Variants in DUSP4 observed in about 807,000 individuals in gnomAD.
The protein encoded by DUSP4 is dual specificity phosphatase 4, also known as dual specificity protein phosphatase 4.
A neutral mutation model predicts 27.2 loss-of-function variants in DUSP4; 12 were observed. That is an observed-to-expected ratio of 0.44 (90% confidence interval 0.28 to 0.71). The LOEUF is 0.71. DUSP4 is among the 30% of genes least tolerant of loss of function. The probability of loss-of-function intolerance (pLI) is 0.14; values close to 1 mark genes in which losing one functional copy is unlikely to be tolerated. For missense variants in DUSP4, 448 were observed against 551.3 expected, an observed-to-expected ratio of 0.81 and a Z score of 1.88; for synonymous variants, 257 against 245.2, an observed-to-expected ratio of 1.05 and a Z score of -0.45.
intron 1 of DUSP4, chr8:29,348,486 A>G (rs1375502909): frequency 2.0e-6 from 2 of 985,486 alleles, no homozygotes; most frequent in Non-Finnish European, 2.4e-6. Flanking sequence ...AAAGAAAGAA[A>G]AATCAGCAAA....
chr8:29,340,309 G>C lies in DUSP4; in HGVS notation c.434-66C>G, dbSNP rs559147563. On this transcript the variant is annotated intron_variant, in intron 1 of 3. Coordinates refer to ENST00000240100, the MANE Select transcript of DUSP4 (RefSeq NM_001394.7). The stretch of plus-strand genomic sequence containing the variant: ...GCCAGCAGGAAGTCAGAAAGAACTC[G>C]ACTCCTACAGACTCAGGCGGACTGC... The C allele has an allele frequency of 2.1e-5, 32 of 1,517,940 alleles. No individual in the cohort carries two copies. In the East Asian group the frequency reaches 7.3e-4, roughly 35 times the overall value. 94.0% of individuals were successfully genotyped at this position (1,517,940 alleles called of 1,614,324 possible).
intron 1 of DUSP4, among the ~76,000 whole-genome samples, chr8:29,346,403 G>C (rs1296771548): frequency 6.6e-6 from 1 of 152,140 alleles, no homozygotes; most frequent in African/African-American, 2.4e-5. Flanking sequence ...TTGCATAACA[G>C]ATTATTTTGT....
At chr8:29,338,198 C>T in intron 3 of DUSP4, 84 bp downstream of exon 3, 1 of 1,416,030 alleles carries the variant, frequency 7.1e-7, no homozygotes. Context: ...CCTCCAATGT[C>T]CACCTTCAAC....
At chr8:29,343,267 T>TG (rs1201773166) in intron 1 of DUSP4, among the ~76,000 whole-genome samples, 1 of 151,834 alleles carries the variant, frequency 6.6e-6, no homozygotes, top group African/African-American at 2.4e-5. Context: ...GGCCAGCTTT[T>TG]GGGGGTCTGT....
rs769875622 is a variant in DUSP4 at position 29,349,836 on chromosome 8, C to T, written c.433+10G>A. On this transcript the variant is annotated intron_variant, in intron 1 of 3. Transcript: ENST00000240100. ...CCCGACTCCAGCTAGCGCCCGGAGC[C>T]CTCGTTTACCTTTGAGCAGGCAGAT... is the stretch of plus-strand genomic sequence containing the variant. The T allele has an allele frequency of 2.7e-6, 4 of 1,480,296 alleles. No individual in the cohort carries two copies. The Admixed American group carries it at 9.3e-5, about 34-fold the overall frequency. 91.7% of individuals were successfully genotyped at this position (1,480,296 alleles called of 1,614,324 possible).
intron 1 of DUSP4, among the ~76,000 whole-genome samples, chr8:29,341,604 T>C (rs1817656707): frequency 6.6e-6 from 1 of 152,198 alleles, no homozygotes; most frequent in Non-Finnish European, 1.5e-5. Flanking sequence ...CCAGCCTCCC[T>C]GGATGGAAAA....
intron 2 of DUSP4, 93 bp downstream of exon 2, chr8:29,340,004 AC>A: frequency 6.8e-7 from 1 of 1,460,922 alleles, no homozygotes; most frequent in Non-Finnish European, 9.1e-7. Flanking sequence ...AAAAGCAAAG[AC>A]AAAAAACACC....
chr8:29,348,789 G>T (rs934845193), intron 1 of DUSP4: 4 of 982,110 alleles, frequency 4.1e-6, no homozygotes, highest in African/African-American at 1.8e-5. Flanking sequence ...TGATGGGTGT[G>T]GGGGGGTCTG....
rs1206102628 is a variant in DUSP4 at position 29,348,468 on chromosome 8, T to C, written c.433+1378A>G. 3.0e-6 allele frequency: 3 copies of C among 985,422 alleles called. No individual in the cohort carries two copies. In the East Asian group the frequency reaches 3.4e-4, roughly 112 times the overall value. 61.0% of individuals were successfully genotyped at this position (985,422 alleles called of 1,614,324 possible). A position where few individuals can be genotyped will look rare whatever the true frequency, so the allele number is the denominator to read the frequency against. On this transcript the variant is annotated intron_variant, in intron 1 of 3. Coordinates refer to ENST00000240100, the MANE Select transcript of DUSP4 (RefSeq NM_001394.7). ...CATTTGGAGGAGCAAAAGACAGCCC[T>C]CGCGGAAAAAGAAAGAAAAATCAGC...
chr8:29,340,467 G>A (rs1294071902), intron 1 of DUSP4, among the ~76,000 whole-genome samples: 1 of 152,190 alleles, frequency 6.6e-6, no homozygotes, highest in African/African-American at 2.4e-5. Context: ...GGAAGGATAA[G>A]CTTTATGGAC....
intron 1 of DUSP4, chr8:29,348,151 G>A: frequency 5.1e-6 from 5 of 985,576 alleles, no homozygotes; most frequent in Non-Finnish European, 6.0e-6. Flanking sequence ...CTGGTCCCGG[G>A]TTTGGACGCC....
Position 29,345,609 on chromosome 8 carries a change from T to C in DUSP4, c.433+4237A>G, listed in dbSNP as rs370449563. On this transcript the variant is annotated intron_variant, in intron 1 of 3. Transcript: ENST00000240100. Reference sequence around the variant, plus strand: ...TGGTTTCAGATGTTCTGATTTTTTTTCAAGGAATTTCTTGGCTCGGGAAAG... The same window carrying C: ...TGGTTTCAGATGTTCTGATTTTTTTCCAAGGAATTTCTTGGCTCGGGAAAG... 105 of 1,492,088 alleles carry C rather than the reference T, an allele frequency of 7.0e-5. No individual in the cohort carries two copies. The African/African-American group carries it at 1.1e-3, about 15-fold the overall frequency. The allele number at this position is 1,492,088 out of a possible 1,614,324, so 92.4% of individuals were successfully genotyped here.
intron 1 of DUSP4, chr8:29,345,978 G>A (rs921364131): frequency 1.0e-6 from 1 of 991,828 alleles, no homozygotes; most frequent in Admixed American, 6.1e-5. Flanking sequence ...TTTCCCTTTA[G>A]GTAGAAAAGG....
Position 29,338,488 on chromosome 8 carries a change from T to A in DUSP4, c.593A>T (p.Glu198Val). The change falls in exon 3 of 4, where the codon GAG becomes GTG. Residue 198 changes from glutamate to valine, a missense_variant. Glu to Val is a moderately radical substitution (Grantham distance 121). Transcript: ENST00000240100. Reference sequence around the variant, plus strand: ...GCCGAGGTAGAGGAAGGGAAGGATCTCCACAGGACCCCCCTGCACAGAAAG... The same window carrying A: ...GCCGAGGTAGAGGAAGGGAAGGATCACCACAGGACCCCCCTGCACAGAAAG... ...TPLHDQGGPV[E>V]ILPFLYLGSA... 6.2e-7 allele frequency: 1 copy of A among 1,613,280 alleles called. No individual in the cohort carries two copies. The highest frequency in any genetic ancestry group is 8.5e-7 in the Non-Finnish European group (1 of 1,179,944).
In DUSP4 at chr8:29,337,739, T is replaced by C. The variant is rs1385211647; in HGVS notation, c.800-328A>G. Among the ~76,000 whole-genome samples the C allele has an allele frequency of 6.6e-6, 1 of 152,114 alleles. No homozygotes were observed. Reference sequence around the variant, plus strand: ...GGGAGGCCAAGGAGGGTGGATAACTTGAGCTCAGGAGTTCAAGACTAGCCT... The same window carrying C: ...GGGAGGCCAAGGAGGGTGGATAACTCGAGCTCAGGAGTTCAAGACTAGCCT... On this transcript the variant is annotated intron_variant, in intron 3 of 3. Coordinates refer to ENST00000240100, the MANE Select transcript of DUSP4 (RefSeq NM_001394.7). This position sits in a 1 kb window ranked among gnomAD's most constrained non-coding sequence, Gnocchi z 6.4.
chr8:29,340,605 A>G (rs1329170221), intron 1 of DUSP4, among the ~76,000 whole-genome samples: 1 of 151,850 alleles, frequency 6.6e-6, no homozygotes, highest in African/African-American at 2.4e-5. Flanking sequence ...GCTTCCAAGG[A>G]CACTAAGTAC....
chr8:29,345,025 A>G (rs1331147138), intron 1 of DUSP4, among the ~76,000 whole-genome samples: 6 of 152,140 alleles, frequency 3.9e-5, no homozygotes, highest in African/African-American at 1.4e-4. Flanking sequence ...CATTTTTTGT[A>G]GAGACCAAGT....
intron 1 of DUSP4, chr8:29,348,839 C>CATTCTTCCGCGCG: frequency 1.0e-6 from 1 of 981,214 alleles, no homozygotes; most frequent in Non-Finnish European, 1.2e-6. Flanking sequence ...CCTACCCGCG[C>CATTCTTCCGCGCG]GGAAGAATGC....
intron 1 of DUSP4, chr8:29,348,774 C>T (rs1563864334): frequency 1.0e-6 from 1 of 985,482 alleles, no homozygotes; most frequent in Non-Finnish European, 1.2e-6. Context: ...GGAGGAGCGG[C>T]TCTTTGATGG....
Sources: gnomAD v4.1 joint callset for allele counts (sites outside exome capture counted in the v4.1 genomes callset) on GRCh38, gnomAD v4.1.1 for gene constraint, Gnocchi (gnomAD v3.1) non-coding constraint, MANE v1.5 for transcripts, NCBI Gene and HGNC (gene_info 2026-07-23, HGNC 2026-07-21) for gene names.